The following MYO5B variants were observed in gnomAD, a reference collection of about 807,000 sequenced individuals.
The protein encoded by MYO5B is myosin VB, also known as unconventional myosin-Vb.
A neutral mutation model predicts 229.3 loss-of-function variants in MYO5B; 143 were observed. The ratio of observed to expected loss-of-function variants is 0.62; its 90% confidence interval spans 0.54 to 0.72. MYO5B has a LOEUF of 0.72. Among genes scored for constraint, MYO5B ranks in the 30% least tolerant of loss-of-function variants. The pLI, the probability that MYO5B is intolerant of heterozygous loss-of-function variation, is 0.00. For synonymous variants in MYO5B, 918 were observed against 885.2 expected, an observed-to-expected ratio of 1.04 and a Z score of -0.66; for missense variants, 2,321 against 2,331.0, an observed-to-expected ratio of 1.00 and a Z score of 0.09.
chr18:50,117,994 G>T lies in MYO5B; in HGVS notation c.28-62616C>A, dbSNP rs116574215. ...GCACTGCCAGATTTCACATGGAAGT[G>T]AAAGGATAATAAATTCAAGTGGATG... On this transcript the variant is annotated intron_variant, in intron 1 of 39. Coordinates refer to ENST00000285039, the MANE Select transcript of MYO5B (RefSeq NM_001080467.3). 1.7e-4 allele frequency among the ~76,000 whole-genome samples: 26 copies of T among 152,294 alleles called. No individual in the cohort carries two copies. In the East Asian group the frequency reaches 5.0e-3, roughly 29 times the overall value.
At chr18:50,131,109 G>A (rs903920166) in intron 1 of MYO5B, among the ~76,000 whole-genome samples, 12 of 152,212 alleles carry the variant, frequency 7.9e-5, no homozygotes, top group African/African-American at 2.7e-4. Flanking sequence ...AATCAAATGA[G>A]ATGACATCTA....
chr18:50,151,418 C>CAT (rs2032596293), intron 1 of MYO5B, among the ~76,000 whole-genome samples: 1 of 152,252 alleles, frequency 6.6e-6, no homozygotes, highest in East Asian at 1.9e-4. Context: ...TCAGCACCCT[C>CAT]ATGAAGGGTC....
At chr18:49,827,685 A>G (rs994733930) in intron 39 of MYO5B, among the ~76,000 whole-genome samples, 4 of 152,234 alleles carry the variant, frequency 2.6e-5, no homozygotes, top group Middle Eastern at 3.4e-3. Context: ...CCTATTGGAC[A>G]CCATCAAGTA....
At chr18:50,108,190 G>A (rs111492114) in intron 1 of MYO5B, among the ~76,000 whole-genome samples, 20,832 of 152,206 alleles carry the variant, frequency 0.14, 1,510 homozygotes, top group East Asian at 0.23. Context: ...TTACAGGCAT[G>A]AGCCATCATG....
chr18:50,027,011 C>T (rs1261259548), intron 4 of MYO5B, among the ~76,000 whole-genome samples: 3 of 152,180 alleles, frequency 2.0e-5, no homozygotes, highest in Non-Finnish European at 4.4e-5. Flanking sequence ...CTGCAAAACT[C>T]AGGCCCATTG....
At chr18:50,166,395 T>C (rs758068248) in intron 1 of MYO5B, among the ~76,000 whole-genome samples, 26 of 152,348 alleles carry the variant, frequency 1.7e-4, no homozygotes, top group African/African-American at 4.6e-4. Context: ...TCAGAAAAGA[T>C]AGACATAAGC....
rs74962470 is a variant in MYO5B, at chr18:49,832,624, G to C, written c.5394+2720C>G. Reference sequence around the variant, plus strand: ...CATGGCACTGTAAGATGGCTCTATAGTGGCAGGGGAACCTAGAATTGCCCA... The same window carrying C: ...CATGGCACTGTAAGATGGCTCTATACTGGCAGGGGAACCTAGAATTGCCCA... On this transcript the variant is annotated intron_variant, in intron 39 of 39. Coordinates refer to ENST00000285039, the MANE Select transcript of MYO5B (RefSeq NM_001080467.3). Among the ~76,000 whole-genome samples, 220 of 152,304 alleles carry C rather than the reference G, an allele frequency of 1.4e-3. 3 individuals carry two copies. The East Asian group carries it at 0.04, about 28-fold the overall frequency.
chr18:50,020,337 C>T (rs184350463), intron 4 of MYO5B, among the ~76,000 whole-genome samples: 2 of 152,224 alleles, frequency 1.3e-5, no homozygotes, highest in South Asian at 2.1e-4. Flanking sequence ...AGGCCTGGAA[C>T]AGTCCCTCAA....
chr18:50,001,445 C>T (rs751973560), intron 4 of MYO5B, 34 bp from the exon 5 acceptor site: 3 of 1,613,024 alleles, frequency 1.9e-6, no homozygotes, highest in Non-Finnish European at 2.5e-6. Context: ...AGTCATTGGC[C>T]ATGGAAAGGC....
chr18:49,999,705 C>A (rs2026025679), intron 5 of MYO5B, among the ~76,000 whole-genome samples: 1 of 152,134 alleles, frequency 6.6e-6, no homozygotes, highest in Non-Finnish European at 1.5e-5. Context: ...TTTAATAGGT[C>A]AGTGGTTCTC....
At chr18:50,147,301 T>G (rs2032519927) in intron 1 of MYO5B, among the ~76,000 whole-genome samples, 1 of 152,138 alleles carries the variant, frequency 6.6e-6, no homozygotes, top group South Asian at 2.1e-4. Flanking sequence ...CCACACCCAG[T>G]GAGTCTGAAG....
chr18:50,045,763 C>T (rs2030207267), intron 2 of MYO5B, among the ~76,000 whole-genome samples: 1 of 152,192 alleles, frequency 6.6e-6, no homozygotes, highest in African/African-American at 2.4e-5. Flanking sequence ...ATGACTGACA[C>T]ATTAGACAAC....
intron 1 of MYO5B, among the ~76,000 whole-genome samples, chr18:50,178,027 A>G (rs112970906): frequency 0.01 from 1,589 of 152,314 alleles, 29 homozygotes; most frequent in African/African-American, 0.036. Context: ...AATAGCAAGG[A>G]CTATGTCTTA....
intron 27 of MYO5B, among the ~76,000 whole-genome samples, chr18:49,866,179 C>T (rs927991948): frequency 2.6e-5 from 4 of 152,176 alleles, no homozygotes; most frequent in Non-Finnish European, 5.9e-5. Flanking sequence ...CGCCATTCTC[C>T]TGCTTCAGCC....
At chr18:50,018,016 A>C (rs1250349569) in intron 4 of MYO5B, among the ~76,000 whole-genome samples, 2 of 152,208 alleles carry the variant, frequency 1.3e-5, no homozygotes, top group African/African-American at 4.8e-5. Flanking sequence ...CTCAAATATG[A>C]GTTAAATGGG....
chr18:50,173,043 C>G (rs1482817309), intron 1 of MYO5B, among the ~76,000 whole-genome samples: 1 of 152,148 alleles, frequency 6.6e-6, no homozygotes, highest in African/African-American at 2.4e-5. Context: ...GTGGGTGAAT[C>G]ACCTGAGGTC....
chr18:50,010,747 C>T lies in MYO5B; in HGVS notation c.456-9336G>A, dbSNP rs192553506. ...TTAGCTAGGGGTGAACTATGATATA[C>T]ACATATAGAATGTGTAGCCTGTCAG... On this transcript the variant is annotated intron_variant, in intron 4 of 39. Coordinates refer to ENST00000285039, the MANE Select transcript of MYO5B (RefSeq NM_001080467.3). Among the ~76,000 whole-genome samples the T allele has an allele frequency of 6.6e-5, 10 of 152,322 alleles. No individual in the cohort carries two copies. In the East Asian group the frequency reaches 1.5e-3, roughly 23 times the overall value.
intron 4 of MYO5B, among the ~76,000 whole-genome samples, chr18:50,010,659 T>G (rs1026954544): frequency 6.6e-6 from 1 of 152,194 alleles, no homozygotes; most frequent in Non-Finnish European, 1.5e-5. Flanking sequence ...TAGATGAAAG[T>G]GAGCAACAGA....
chr18:50,015,262 A>G (rs1598954378), intron 4 of MYO5B, among the ~76,000 whole-genome samples: 1 of 152,312 alleles, frequency 6.6e-6, no homozygotes, highest in East Asian at 1.9e-4. Context: ...TGACCTAGTG[A>G]ACTTCATTTT....
Sources: allele counts gnomAD v4.1 joint callset (sites outside exome capture counted in the v4.1 genomes callset), GRCh38; gene constraint gnomAD v4.1.1; transcripts MANE v1.5; gene names NCBI Gene and HGNC (gene_info 2026-07-23, HGNC 2026-07-21).